SMARCC1: variants seen among roughly 807,000 people sequenced by gnomAD.
The protein encoded by SMARCC1 is SWI/SNF complex subunit SMARCC1.
Under a neutral mutation model 147.4 loss-of-function variants are expected in SMARCC1, and 43 were observed. The ratio of observed to expected loss-of-function variants is 0.29; its 90% CI spans 0.23 to 0.38. The LOEUF is 0.38. Ranked by LOEUF, SMARCC1 falls within the 10% of genes least tolerant of loss-of-function variation. The pLI is 1.00. For synonymous variants in SMARCC1, 495 were observed against 484.4 expected, an observed-to-expected ratio of 1.02 and a Z score of -0.29; for missense variants, 1,119 against 1,381.1, an observed-to-expected ratio of 0.81 and a Z score of 3.01.
At position 47,659,640 on chromosome 3, in the gene SMARCC1, G is replaced by A. The variant is rs2033313904; in HGVS notation, c.2320+1654C>T. 2.0e-5 allele frequency among the ~76,000 whole-genome samples: 3 copies of A among 151,682 alleles called. No individual in the cohort carries two copies. The South Asian group carries it at 6.2e-4, about 32-fold the overall frequency. ...CAAATGTACCACCCTGGTATTGATC[G>A]TGGGGAAAACTGTGCATGTAGGGGT... On this transcript the variant is annotated intron_variant, in intron 21 of 27. Coordinates refer to ENST00000254480, the MANE Select transcript of SMARCC1 (RefSeq NM_003074.4).
intron 25 of SMARCC1, among the ~76,000 whole-genome samples, chr3:47,621,705 G>GT (rs2032734805): frequency 6.6e-6 from 1 of 151,708 alleles, no homozygotes; most frequent in Non-Finnish European, 1.5e-5. Flanking sequence ...TTGGTACTAT[G>GT]TTAACTATTT....
chr3:47,623,943 G>A (rs1038264963), intron 24 of SMARCC1, among the ~76,000 whole-genome samples: 2 of 151,338 alleles, frequency 1.3e-5, no homozygotes, highest in African/African-American at 4.8e-5. Flanking sequence ...GGTGGAAAGG[G>A]GGTCCTTAAG....
intron 26 of SMARCC1, among the ~76,000 whole-genome samples, chr3:47,599,260 G>A (rs2032348097): frequency 1.3e-5 from 2 of 152,120 alleles, no homozygotes; most frequent in Admixed American, 6.6e-5. Context: ...GCACATGCCT[G>A]TAATACCAGC....
At chr3:47,663,774 T>G in intron 19 of SMARCC1, 1 of 1,570,684 alleles carries the variant, frequency 6.4e-7, no homozygotes, top group Non-Finnish European at 8.8e-7. Flanking sequence ...ATAGGTTGCC[T>G]GGCCACGGCG....
chr3:47,588,226 C>T lies in SMARCC1; in HGVS notation c.3301G>A (p.Ala1101Thr), dbSNP rs146867953. 1 of 1,613,688 alleles carries T rather than the reference C, an allele frequency of 6.2e-7. No individual in the cohort carries two copies. Among genetic ancestry groups the T allele is most frequent in the African/African-American group, 1.3e-5 (1 of 75,016 alleles). ...CTTCCAGGCTAAGGAGCAGCTGAGG[C>T]TGGCGGGCCAGGAGCAGGAGGCGGA... is the stretch of plus-strand genomic sequence containing the variant. ...VPPPPAPGPP[A>T]SAAP Residue 1101 changes from alanine to threonine, a missense_variant, in exon 28 of 28, where the codon GCC becomes ACC. By Grantham distance (58) the Ala-to-Thr change is moderately conservative (BLOSUM62 0). This residue lies in a region of SMARCC1 where 186 missense variants were observed against 216.5 expected (regional missense o/e 0.86). Transcript: ENST00000254480.
intron 12 of SMARCC1, among the ~76,000 whole-genome samples, chr3:47,692,068 AT>A (rs2033796744): frequency 6.6e-6 from 1 of 152,202 alleles, no homozygotes. Context: ...CTGACATCTC[AT>A]TTTCTAAAAA....
intron 2 of SMARCC1, among the ~76,000 whole-genome samples, chr3:47,751,896 A>G (rs2034634057): frequency 6.6e-6 from 1 of 152,072 alleles, no homozygotes; most frequent in African/African-American, 2.4e-5. Flanking sequence ...AGCCTGACCA[A>G]CATGGTGAAA....
intron 2 of SMARCC1, among the ~76,000 whole-genome samples, chr3:47,753,435 C>T (rs934358812): frequency 1.3e-5 from 2 of 151,332 alleles, no homozygotes; most frequent in Non-Finnish European, 2.9e-5. Context: ...CAAAGTAGGC[C>T]GGGTGCGATG....
chr3:47,748,122 C>A (rs1382125142), intron 2 of SMARCC1, among the ~76,000 whole-genome samples: 1 of 152,034 alleles, frequency 6.6e-6, no homozygotes, highest in Non-Finnish European at 1.5e-5. Flanking sequence ...TGCACTCCAG[C>A]CTGGGCGACA....
At chr3:47,756,521 G>A (rs1421081418) in intron 2 of SMARCC1, among the ~76,000 whole-genome samples, 3 of 92,088 alleles carry the variant, frequency 3.3e-5, no homozygotes, top group South Asian at 3.6e-4. Context: ...CAACAAGAGC[G>A]AAACTCCGTC....
chr3:47,625,029 C>CA (rs1559628405), intron 24 of SMARCC1, among the ~76,000 whole-genome samples: 2 of 151,416 alleles, frequency 1.3e-5, no homozygotes, highest in East Asian at 3.9e-4. Context: ...GATGCTTTCT[C>CA]AAAAAATAAA....
intron 27 of SMARCC1, among the ~76,000 whole-genome samples, chr3:47,590,083 C>CT (rs1243337581): frequency 6.6e-6 from 1 of 152,194 alleles, no homozygotes; most frequent in Non-Finnish European, 1.5e-5. Context: ...GACCTGGTCT[C>CT]TAAACACAGC....
In SMARCC1 at chr3:47,661,404, T is replaced by C. The variant is rs2033345990; in HGVS notation, c.2210A>G (p.His737Arg). 6.2e-7 allele frequency: 1 copy of C among 1,613,446 alleles called. No individual in the cohort carries two copies. Among genetic ancestry groups the C allele is most frequent in the Non-Finnish European group, 8.5e-7 (1 of 1,179,580 alleles). ...TGCTGCTTCTTGTACTTTCTTGACA[T>C]GAGCTTCAACCAATTCCAGTGGTAC... The part of the protein sequence containing the change: ...EEVPLELVEA[H>R]VKKVQEAARA... The change falls in exon 21 of 28, where the codon CAT becomes CGT. Residue 737 changes from histidine (H) to arginine (R), a missense_variant. Around this residue, in one of 6 missense-constraint regions of SMARCC1, gnomAD observed 157 missense variants for 158.6 expected, o/e 0.99. Coordinates refer to ENST00000254480, the MANE Select transcript of SMARCC1 (RefSeq NM_003074.4).
In SMARCC1 at chr3:47,769,210, C is replaced by CCAAAAA. The variant is rs1553692339; in HGVS notation, c.315+3606_315+3607insTTTTTG. On this transcript the variant is annotated intron_variant, in intron 2 of 27. Coordinates refer to ENST00000254480, the MANE Select transcript of SMARCC1 (RefSeq NM_003074.4). ...TGGATGACAGAGCGAGACTCCGTCT[C>CCAAAAA]AAAAAAAAAAAAAAAAAAAAAAAGG... 1.2e-4 allele frequency among the ~76,000 whole-genome samples: 4 copies of CCAAAAA among 33,092 alleles called. 1 individual carries two copies. Among genetic ancestry groups the CCAAAAA allele is most frequent in the African/African-American group, 1.3e-4 (1 of 7,894 alleles). The allele number at this position is 33,092 out of a possible 152,430, so 21.7% of individuals were successfully genotyped here. A position where few individuals can be genotyped will look rare whatever the true frequency, so the allele number is the denominator to read the frequency against.
chr3:47,682,257 T>A (rs772447487), intron 14 of SMARCC1, among the ~76,000 whole-genome samples: 14 of 146,710 alleles, frequency 9.5e-5, no homozygotes, highest in Non-Finnish European at 1.8e-4. Context: ...ATCGCGCCAC[T>A]GCACTCCAGC....
At chr3:47,746,184 C>CA in intron 2 of SMARCC1, 191 bp from the exon 3 acceptor site, 1 of 458,336 alleles carries the variant, frequency 2.2e-6, no homozygotes, top group Non-Finnish European at 3.8e-6. Flanking sequence ...CATGGTGGCT[C>CA]ATGCCTGTAA....
chr3:47,708,091 T>TTTTTC (rs2034035276), intron 9 of SMARCC1, among the ~76,000 whole-genome samples: 2 of 6,844 alleles, frequency 2.9e-4, no homozygotes, highest in Non-Finnish European at 9.4e-4. Context: ...TTCTTTTTTT[T>TTTTTC]TTTTTTTTTT....
At chr3:47,757,208 G>C (rs1438221347) in intron 2 of SMARCC1, among the ~76,000 whole-genome samples, 1 of 151,986 alleles carries the variant, frequency 6.6e-6, no homozygotes, top group East Asian at 1.9e-4. Context: ...CTATGATCAA[G>C]GCAATGTACT....
rs546659321 is a variant in SMARCC1 at position 47,726,061 on chromosome 3, C to CAAAAAAAAAAAAAAAAAAAAAAAAA, written c.646+2963_646+2964insTTTTTTTTTTTTTTTTTTTTTTTTT. 3.9e-5 allele frequency among the ~76,000 whole-genome samples: 2 copies of CAAAAAAAAAAAAAAAAAAAAAAAAA among 50,782 alleles called. 1 individual carries two copies. Among genetic ancestry groups the CAAAAAAAAAAAAAAAAAAAAAAAAA allele is most frequent in the Non-Finnish European group, 6.9e-5 (2 of 28,962 alleles). 33.3% of individuals were successfully genotyped at this position (50,782 alleles called of 152,430 possible). ...TGGGTAGAAGAGTGAGACTCTGTCT[C>CAAAAAAAAAAAAAAAAAAAAAAAAA]AAAAAAAAAAAAAAAAAAAAGGTGA... On this transcript the variant is annotated intron_variant, in intron 6 of 27. Transcript: ENST00000254480.
Sources: allele counts gnomAD v4.1 joint callset (sites outside exome capture counted in the v4.1 genomes callset), GRCh38; gene constraint gnomAD v4.1.1; regional missense constraint gnomAD v4.1.1; transcripts MANE v1.5; gene names NCBI Gene and HGNC (gene_info 2026-07-23, HGNC 2026-07-21).